Variants in GRM3 observed in about 807,000 individuals in gnomAD.
GRM3 encodes the protein glutamate metabotropic receptor 3, also known as metabotropic glutamate receptor 3.
GRM3 carries 26 observed loss-of-function variants against 70.5 expected under a neutral mutation model. The ratio of observed to expected loss-of-function variants is 0.37; its 90% CI spans 0.27 to 0.51. GRM3 has a LOEUF of 0.51. Ranked by LOEUF, GRM3 falls within the 20% of genes least tolerant of loss-of-function variation. GRM3 has a pLI of 0.93. For synonymous variants in GRM3, 443 were observed against 434.9 expected (o/e 1.02, Z -0.23); for missense variants, 859 against 1,123.8 (o/e 0.76, Z 3.37).
chr7:86,736,205 T>C (rs949405094), intron 1 of GRM3, among the ~76,000 whole-genome samples: 3 of 151,960 alleles, frequency 2.0e-5, no homozygotes, highest in Non-Finnish European at 4.4e-5. Context: ...TTGGGGAAGG[T>C]GTTGTCAAGA....
chr7:86,805,437 ACAT>A (rs544350560), intron 3 of GRM3, among the ~76,000 whole-genome samples: 310 of 152,334 alleles, frequency 2.0e-3, no homozygotes, highest in African/African-American at 7.0e-3. Context: ...CAACATTGAC[ACAT>A]CATCAACCAA....
chr7:86,731,201 A>G (rs1795726991), intron 1 of GRM3, among the ~76,000 whole-genome samples: 1 of 152,168 alleles, frequency 6.6e-6, no homozygotes, highest in African/African-American at 2.4e-5. Context: ...CTCGAATTCT[A>G]CTACTGAATT....
chr7:86,708,970 T>TA (rs540630986), intron 1 of GRM3, among the ~76,000 whole-genome samples: 12 of 151,702 alleles, frequency 7.9e-5, no homozygotes, highest in East Asian at 3.9e-4. Context: ...CAAACAGAGT[T>TA]AAAAAAAATC....
At chr7:86,665,471 T>G (rs1478935988) in intron 1 of GRM3, among the ~76,000 whole-genome samples, 1 of 152,050 alleles carries the variant, frequency 6.6e-6, no homozygotes, top group Non-Finnish European at 1.5e-5. Flanking sequence ...TAGAGTAACA[T>G]CCACTGGCAT....
At chr7:86,689,358 C>T (rs945987307) in intron 1 of GRM3, among the ~76,000 whole-genome samples, 1 of 151,726 alleles carries the variant, frequency 6.6e-6, no homozygotes, top group African/African-American at 2.4e-5. Context: ...ACAATTAGTC[C>T]CATTTTCAGA....
At chr7:86,850,322 T>C in intron 4 of GRM3, 48 bp from the exon 5 acceptor site, 1 of 1,394,616 alleles carries the variant, frequency 7.2e-7, no homozygotes, top group South Asian at 1.2e-5. Context: ...AGTTGGCCAC[T>C]TGACTGAATG....
intron 1 of GRM3, among the ~76,000 whole-genome samples, chr7:86,764,573 A>G (rs1193541644): frequency 6.6e-6 from 1 of 152,148 alleles, no homozygotes; most frequent in Non-Finnish European, 1.5e-5. Flanking sequence ...AAAGGGTAAG[A>G]GTCCATAAAA....
At chr7:86,823,136 T>C (rs758069337) in intron 3 of GRM3, among the ~76,000 whole-genome samples, 1 of 152,148 alleles carries the variant, frequency 6.6e-6, no homozygotes, top group Non-Finnish European at 1.5e-5. Context: ...GCTATCACAA[T>C]AGCCCATAGA....
chr7:86,722,218 G>A (rs1293898011), intron 1 of GRM3, among the ~76,000 whole-genome samples: 1 of 151,908 alleles, frequency 6.6e-6, no homozygotes, highest in Non-Finnish European at 1.5e-5. Context: ...TTTAAAAATT[G>A]AAATACCATT....
At chr7:86,803,610 T>TC (rs1797727803) in intron 3 of GRM3, among the ~76,000 whole-genome samples, 1 of 152,216 alleles carries the variant, frequency 6.6e-6, no homozygotes, top group Non-Finnish European at 1.5e-5. Flanking sequence ...GAGGCTGCCC[T>TC]CCCAGCCTTC....
intron 4 of GRM3, among the ~76,000 whole-genome samples, chr7:86,849,255 A>C (rs895858803): frequency 6.6e-6 from 1 of 152,138 alleles, no homozygotes; most frequent in African/African-American, 2.4e-5. Flanking sequence ...ATCAGATAGC[A>C]GCTTGTTTTC....
chr7:86,686,979 G>A (rs187370470), intron 1 of GRM3, among the ~76,000 whole-genome samples: 1 of 151,948 alleles, frequency 6.6e-6, no homozygotes, highest in African/African-American at 2.4e-5. Flanking sequence ...TTTAGTAGAT[G>A]GGTTTAATAA....
intron 1 of GRM3, among the ~76,000 whole-genome samples, chr7:86,711,711 A>G (rs1795204754): frequency 6.6e-6 from 1 of 152,110 alleles, no homozygotes; most frequent in Non-Finnish European, 1.5e-5. Context: ...AATTAATTAC[A>G]CTGTCCTAAG....
At chr7:86,725,727 A>G (rs1046768988) in intron 1 of GRM3, among the ~76,000 whole-genome samples, 4 of 152,268 alleles carry the variant, frequency 2.6e-5, no homozygotes, top group South Asian at 2.1e-4. Flanking sequence ...ATTACTATAG[A>G]CTGGTTGGCT....
At chr7:86,697,601 GA>G (rs1794848773) in intron 1 of GRM3, among the ~76,000 whole-genome samples, 1 of 152,034 alleles carries the variant, frequency 6.6e-6, no homozygotes, top group Admixed American at 6.6e-5. Flanking sequence ...ATTTCAAAAG[GA>G]AGGTAATTTT....
chr7:86,787,330 GA>G (rs1347805345), intron 3 of GRM3, among the ~76,000 whole-genome samples: 55 of 152,350 alleles, frequency 3.6e-4, no homozygotes, highest in Non-Finnish European at 4.9e-4. Context: ...ACATGGCAAT[GA>G]AAGGGGCCCC....
At chr7:86,795,460 C>G (rs1311414256) in intron 3 of GRM3, among the ~76,000 whole-genome samples, 1 of 152,006 alleles carries the variant, frequency 6.6e-6, no homozygotes, top group East Asian at 1.9e-4. Context: ...TCTCCCTCCC[C>G]CTGCACCCCG....
At chr7:86,775,685 T>C (rs1166397846) in intron 2 of GRM3, among the ~76,000 whole-genome samples, 2 of 152,156 alleles carry the variant, frequency 1.3e-5, no homozygotes, top group Non-Finnish European at 2.9e-5. Context: ...TACCTTCTAC[T>C]AATCCCTGTG....
intron 1 of GRM3, chr7:86,645,111 A>G (rs1318147189): frequency 2.9e-6 from 1 of 345,022 alleles, no homozygotes; most frequent in Non-Finnish European, 5.7e-6. Context: ...CAGGGCATAG[A>G]TCTGCGGCCA....
Sources: allele counts gnomAD v4.1 joint callset (sites outside exome capture counted in the v4.1 genomes callset), GRCh38; gene constraint gnomAD v4.1.1; transcripts MANE v1.5; gene names NCBI Gene and HGNC (gene_info 2026-07-23, HGNC 2026-07-21).